The following ARRDC5 variants were observed in gnomAD, a reference collection of about 807,000 sequenced individuals.
The protein encoded by ARRDC5 is arrestin domain-containing protein 5.
A neutral mutation model predicts 13.3 loss-of-function variants in ARRDC5; 12 were observed. The observed-to-expected ratio is 0.90, with a 90% CI of 0.58 to 1.46. The LOEUF (loss-of-function observed/expected upper bound fraction) is 1.46, where lower values mean the gene tolerates loss of function less well. ARRDC5 is among the 40% of genes most tolerant of loss of function. The pLI is 0.00. For synonymous variants in ARRDC5, 181 were observed against 173.4 expected, an observed-to-expected ratio of 1.04 and a Z score of -0.34; for missense variants, 406 against 418.7, an observed-to-expected ratio of 0.97 and a Z score of 0.26.
Position 4,896,699 on chromosome 19 carries a change from G to T in ARRDC5, c.431C>A (p.Ser144Tyr), listed in dbSNP as rs199615141. ...KRMYLLVQGT[S>Y]TFHKETPFQN... ...GAATGGGGTTTCTTTGTGGAAGGTGGAAGTTCCTTGAACCAATAAGTACAT... is the reference window on the plus strand; with the variant it reads ...GAATGGGGTTTCTTTGTGGAAGGTGTAAGTTCCTTGAACCAATAAGTACAT... Residue 144 changes from serine to tyrosine, a missense_variant, in exon 2 of 3, where the codon TCC (serine) becomes TAC (tyrosine). Physicochemically the swap from Ser to Tyr is moderately radical, Grantham distance 144 (BLOSUM62 -2). Transcript: ENST00000650722. 3.1e-6 allele frequency: 5 copies of T among 1,613,370 alleles called. No individual in the cohort carries two copies. Among genetic ancestry groups the T allele is most frequent in the Non-Finnish European group, 4.2e-6 (5 of 1,179,516 alleles).
Position 4,902,661 on chromosome 19 carries a change from T to C in ARRDC5, c.165A>G (p.Glu55=). 1 of 1,614,058 alleles carries C rather than the reference T, an allele frequency of 6.2e-7. No individual in the cohort carries two copies. Among genetic ancestry groups the C allele is most frequent in the East Asian group, 2.2e-5 (1 of 44,890 alleles). ...TGCTATAATCACAGGATGCCCCGGCTTCTTCACTCCATTCGACGTAACCCC... is the reference window on the plus strand; with the variant it reads ...TGCTATAATCACAGGATGCCCCGGCCTCTTCACTCCATTCGACGTAACCCC... ...VGRGYVEWSE[E]AGASCDYSRN... Residue 55 remains glutamate, a synonymous_variant, in exon 1 of 3, where the codon GAA becomes GAG. Transcript: ENST00000650722.
chr19:4,896,289 T>G (rs2031707840), intron 2 of ARRDC5, among the ~76,000 whole-genome samples: 1 of 134,712 alleles, frequency 7.4e-6, no homozygotes, highest in Non-Finnish European at 1.5e-5. Context: ...CACTTCAGCC[T>G]GGTGACAGAG....
chr19:4,899,980 A>T (rs993119964), intron 1 of ARRDC5, among the ~76,000 whole-genome samples: 6 of 137,454 alleles, frequency 4.4e-5, no homozygotes, highest in African/African-American at 1.3e-4. Context: ...AACTAGCAAC[A>T]TTTTTTTTTT....
At position 4,891,356 on chromosome 19, in the gene ARRDC5, T is replaced by A; in HGVS notation, c.677A>T (p.Glu226Val). The change falls in exon 3 of 3, where the codon GAG (glutamate) becomes GTG (valine). Residue 226 changes from glutamate to valine, a missense_variant. Physicochemically the swap from Glu to Val is moderately radical, Grantham distance 121 (BLOSUM62 -2). Coordinates refer to ENST00000650722, the MANE Select transcript of ARRDC5 (RefSeq NM_001080523.3). ...IQYEGFTPSA[E>V]RRSRLDSSEL... ...GCTGCTGTCCAGCCGAGACCGCCGCTCTGCACTGGGCGTGAAGCCCTCGTA... is the reference window on the plus strand; with the variant it reads ...GCTGCTGTCCAGCCGAGACCGCCGCACTGCACTGGGCGTGAAGCCCTCGTA... The A allele has an allele frequency of 6.2e-7, 1 of 1,613,810 alleles. No individual in the cohort carries two copies. Among genetic ancestry groups the A allele is most frequent in the Non-Finnish European group, 8.5e-7 (1 of 1,179,878 alleles).
In ARRDC5 at chr19:4,891,074, A is replaced by G; in HGVS notation, c.959T>C (p.Leu320Ser). Residue 320 changes from leucine (L) to serine (S), a missense_variant, in exon 3 of 3, where the codon TTA (leucine) becomes TCA (serine). Transcript: ENST00000650722. Reference sequence around the variant, plus strand: ...ATTCTGGTGATCTGGGTTCACGGGTAACACTCCGTCCTCTGACAGCTGGCA... The same window carrying G: ...ATTCTGGTGATCTGGGTTCACGGGTGACACTCCGTCCTCTGACAGCTGGCA... ...AICQLSEDGV[L>S]PVNPDHQN 8 of 1,613,428 alleles carry G rather than the reference A, an allele frequency of 5.0e-6. No homozygotes were observed. Among genetic ancestry groups the G allele is most frequent in the Non-Finnish European group, 6.8e-6 (8 of 1,179,650 alleles).
At chr19:4,900,136 T>A (rs930253162) in intron 1 of ARRDC5, among the ~76,000 whole-genome samples, 1 of 116,320 alleles carries the variant, frequency 8.6e-6, no homozygotes, top group Non-Finnish European at 1.9e-5. Context: ...TTTTTTTCTG[T>A]TTCTTTCTTT....
chr19:4,899,456 C>A (rs917631932), intron 1 of ARRDC5, among the ~76,000 whole-genome samples: 1 of 151,604 alleles, frequency 6.6e-6, no homozygotes, highest in Non-Finnish European at 1.5e-5. Flanking sequence ...CATGGTGAAA[C>A]CCTGTGTCTA....
the ARRDC5 span, among the ~76,000 whole-genome samples, chr19:4,914,773 C>T: frequency 4.6e-5 from 7 of 152,046 alleles, no homozygotes; most frequent in Non-Finnish European, 7.3e-5. Flanking sequence ...CCCTGGCCCG[C>T]GACTCGCCAG....
Position 4,891,448 on chromosome 19 carries a change from T to C in ARRDC5, c.585A>G (p.Thr195=). 1.2e-6 allele frequency: 2 copies of C among 1,613,674 alleles called. No homozygotes were observed. The highest frequency in any genetic ancestry group is 1.7e-6 in the Non-Finnish European group (2 of 1,179,896). ...FTPGEKVVFT[T]EINNQTSKCI... ...ATTTGCTGGTCTGGTTGTTGATCTC[T>C]GTTGTGAAGACGACCTTCTCTCCTG... Residue 195 remains threonine (T), a synonymous_variant, in exon 3 of 3, where the codon ACA becomes ACG. Transcript: ENST00000650722.
At chr19:4,896,933 CTTCTT>C in intron 1 of ARRDC5, 57 bp from the exon 2 acceptor site, 1 of 1,197,654 alleles carries the variant, frequency 8.3e-7, no homozygotes, top group Non-Finnish European at 1.2e-6. Context: ...TTTCCTTCTT[CTTCTT>C]TTTTTTTTTG....
Position 4,891,408 on chromosome 19 carries a change from C to T in ARRDC5, c.625G>A (p.Val209Ile), listed in dbSNP as rs754465304. 1.2e-5 allele frequency: 19 copies of T among 1,613,252 alleles called. No homozygotes were observed. The highest frequency in any genetic ancestry group is 1.3e-5 in the African/African-American group (1 of 75,048). Residue 209 changes from valine to isoleucine, a missense_variant, in exon 3 of 3, where the codon GTA becomes ATA. Physicochemically the swap from Val to Ile is conservative, Grantham distance 29 (BLOSUM62 3). Coordinates refer to ENST00000650722, the MANE Select transcript of ARRDC5 (RefSeq NM_001080523.3). ...NQTSKCIKTV[V>I]FALYAHIQYE... Reference sequence around the variant, plus strand: ...TGTATGTGGGCATACAGGGCGAATACGACCGTCTTGATGCATTTGCTGGTC... The same window carrying T: ...TGTATGTGGGCATACAGGGCGAATATGACCGTCTTGATGCATTTGCTGGTC...
chr19:4,915,670 A>G, the ARRDC5 span, among the ~76,000 whole-genome samples: 1 of 152,142 alleles, frequency 6.6e-6, no homozygotes, highest in East Asian at 1.9e-4. Flanking sequence ...AGATCCCACC[A>G]CTGCACTCCA....
At chr19:4,906,623 C>T (rs917319344), upstream of ARRDC5, among the ~76,000 whole-genome samples, 4 of 151,994 alleles carry the variant, frequency 2.6e-5, no homozygotes, top group African/African-American at 9.7e-5. Context: ...CATGGTGGTG[C>T]GGACCTCTAG....
At chr19:4,909,621 C>G in the ARRDC5 span, 1 of 613,868 alleles carries the variant, frequency 1.6e-6, no homozygotes, top group Non-Finnish European at 2.9e-6. Context: ...GGGCCACGCG[C>G]GCAGGCAGAC....
chr19:4,900,083 G>A (rs1442203539), intron 1 of ARRDC5, among the ~76,000 whole-genome samples: 2 of 148,828 alleles, frequency 1.3e-5, no homozygotes, highest in Non-Finnish European at 3.0e-5. Context: ...CTCCCAAAGT[G>A]CCGAGATTAC....
the ARRDC5 span, chr19:4,909,521 G>A: frequency 7.6e-6 from 5 of 658,164 alleles, no homozygotes; most frequent in African/African-American, 1.9e-5. Context: ...GCAGCGCGGC[G>A]GGCAGCGTTT....
chr19:4,909,460 C>T, the ARRDC5 span: 2 of 654,240 alleles, frequency 3.1e-6, no homozygotes, highest in Non-Finnish European at 5.5e-6. Context: ...CTCCTGCGGC[C>T]CCGCAACTCC....
chr19:4,902,871 C>T lies in ARRDC5; in HGVS notation c.-46G>A, dbSNP rs756018753. 2.5e-6 allele frequency: 4 copies of T among 1,612,122 alleles called. No homozygotes were observed. In the South Asian group the frequency reaches 4.4e-5, roughly 18 times the overall value. On this transcript the variant is annotated 5_prime_UTR_variant, in exon 1 of 3. Transcript: ENST00000650722. Reference sequence around the variant, plus strand: ...GACATTCCTCTCTGTCCCCCATGTCCCTGAAATTCCCGGTTCGTTGGCCCT... The same window carrying T: ...GACATTCCTCTCTGTCCCCCATGTCTCTGAAATTCCCGGTTCGTTGGCCCT...
upstream of ARRDC5, chr19:4,903,397 C>T: frequency 6.5e-6 from 1 of 153,866 alleles, no homozygotes; most frequent in East Asian, 1.9e-4. Flanking sequence ...ACTGCCACAT[C>T]TGCCTCCCGG....
Sources: allele counts gnomAD v4.1 joint callset (sites outside exome capture counted in the v4.1 genomes callset), GRCh38; gene constraint gnomAD v4.1.1; transcripts MANE v1.5; gene names NCBI Gene and HGNC (gene_info 2026-07-23, HGNC 2026-07-21).